RBM6: variants seen among roughly 807,000 people sequenced by gnomAD.
RBM6 encodes RNA binding motif protein 6.
In RBM6, 23 loss-of-function variants were observed where a neutral mutation model predicts 140.4. That is an observed-to-expected ratio of 0.16 (90% CI 0.12 to 0.23). The LOEUF is 0.23. Among genes scored for constraint, RBM6 ranks in the 10% least tolerant of loss-of-function variants. RBM6 has a pLI of 1.00. For missense variants in RBM6, 1,139 were observed against 1,386.7 expected (o/e 0.82, Z 2.84); for synonymous variants, 439 against 475.6 (o/e 0.92, Z 1.00).
intron 6 of RBM6, among the ~76,000 whole-genome samples, chr3:50,025,804 T>C (rs2087782191): frequency 6.6e-6 from 1 of 151,860 alleles, no homozygotes; most frequent in South Asian, 2.1e-4. Flanking sequence ...ATATGTCTCC[T>C]AGTGTAGGTA....
intron 5 of RBM6, among the ~76,000 whole-genome samples, chr3:49,980,563 C>T (rs1385169142): frequency 1.3e-5 from 2 of 151,360 alleles, no homozygotes; most frequent in African/African-American, 4.8e-5. Flanking sequence ...AGTTTGAGAC[C>T]AGCCTGGCCA....
At chr3:49,975,510 C>T (rs1366444417) in intron 5 of RBM6, 118 bp downstream of exon 5, 1 of 813,356 alleles carries the variant, frequency 1.2e-6, no homozygotes, top group Non-Finnish European at 2.1e-6. Context: ...CAGAAGCCTC[C>T]CGTTGGTGCC....
chr3:49,987,213 G>A (rs534253189), intron 5 of RBM6, among the ~76,000 whole-genome samples: 1 of 151,798 alleles, frequency 6.6e-6, no homozygotes, highest in Admixed American at 6.6e-5. Flanking sequence ...GCCTCCCAAA[G>A]TGCTGGGATT....
chr3:50,037,881 G>C (rs1203715893), intron 6 of RBM6, among the ~76,000 whole-genome samples: 3 of 150,630 alleles, frequency 2.0e-5, no homozygotes, highest in Non-Finnish European at 4.4e-5. Flanking sequence ...GAGTGTGGTG[G>C]CACGATCTTG....
chr3:50,039,284 G>C (rs2088727394), intron 6 of RBM6, among the ~76,000 whole-genome samples: 1 of 151,882 alleles, frequency 6.6e-6, no homozygotes, highest in Non-Finnish European at 1.5e-5. Flanking sequence ...TTTTCACCCA[G>C]GCTGGAGTGC....
intron 1 of RBM6, 91 bp from the exon 2 acceptor site, chr3:49,962,485 A>G (rs1197253987): frequency 7.8e-6 from 5 of 643,470 alleles, no homozygotes; most frequent in Non-Finnish European, 1.4e-5. Flanking sequence ...ATTGCTGCTG[A>G]TGTGGTCCCT....
chr3:50,047,085 C>A, intron 6 of RBM6: 1 of 844,446 alleles, frequency 1.2e-6, no homozygotes, highest in Non-Finnish European at 1.4e-6. Flanking sequence ...GGTAGATGGG[C>A]AATTTTCCTT....
intron 2 of RBM6, among the ~76,000 whole-genome samples, chr3:49,964,725 A>T (rs1040226638): frequency 5.9e-5 from 9 of 152,214 alleles, no homozygotes; most frequent in Non-Finnish European, 1.0e-4. Context: ...ACTTGTATTT[A>T]TGGGTAACTA....
At chr3:50,004,474 A>ATTTT (rs1182296633) in intron 6 of RBM6, among the ~76,000 whole-genome samples, 3 of 103,336 alleles carry the variant, frequency 2.9e-5, no homozygotes, top group Admixed American at 1.0e-4. Flanking sequence ...ACAGCTGGCT[A>ATTTT]TTTTTTTTTT....
chr3:50,037,396 A>T (rs2088608478), intron 6 of RBM6, among the ~76,000 whole-genome samples: 1 of 152,046 alleles, frequency 6.6e-6, no homozygotes, highest in African/African-American at 2.4e-5. Flanking sequence ...ACAGAGCAAG[A>T]CCCTGTCTCA....
intron 6 of RBM6, among the ~76,000 whole-genome samples, chr3:50,040,483 TATATATATATAC>T (rs1190850073): frequency 2.6e-5 from 3 of 116,220 alleles, no homozygotes; most frequent in East Asian, 2.2e-4. Flanking sequence ...TATATATATA[TATATATATATAC>T]ACACACACAC....
chr3:49,987,268 T>A (rs2085606860), intron 5 of RBM6, among the ~76,000 whole-genome samples: 1 of 151,894 alleles, frequency 6.6e-6, no homozygotes, highest in Non-Finnish European at 1.5e-5. Flanking sequence ...ATATATTTTT[T>A]AAAAATAGTA....
chr3:50,039,426 A>G (rs1472614319), intron 6 of RBM6, among the ~76,000 whole-genome samples: 2 of 150,748 alleles, frequency 1.3e-5, no homozygotes, highest in Non-Finnish European at 3.0e-5. Context: ...TGTAGTAGAG[A>G]CAGGGTTTCA....
intron 17 of RBM6, among the ~76,000 whole-genome samples, chr3:50,067,373 G>A (rs1435206153): frequency 6.6e-6 from 1 of 152,084 alleles, no homozygotes; most frequent in Non-Finnish European, 1.5e-5. Flanking sequence ...CTGTGGCTAG[G>A]GTGCCAAATA....
chr3:49,962,464 C>T (rs2084328019), intron 1 of RBM6, 112 bp from the exon 2 acceptor site: 1 of 596,886 alleles, frequency 1.7e-6, no homozygotes, highest in Admixed American at 3.1e-5. Context: ...AAAAGAAAGA[C>T]CTTCAAAATT....
At chr3:49,942,484 G>A (rs1276831863) in intron 1 of RBM6, among the ~76,000 whole-genome samples, 2 of 139,448 alleles carry the variant, frequency 1.4e-5, no homozygotes, top group East Asian at 4.0e-4. Flanking sequence ...GCGAGACTCC[G>A]AGACTCCATC....
At chr3:49,949,956 C>G (rs1161550586) in intron 1 of RBM6, among the ~76,000 whole-genome samples, 4 of 152,120 alleles carry the variant, frequency 2.6e-5, no homozygotes, top group African/African-American at 9.7e-5. Flanking sequence ...TTCCTGGTCT[C>G]AAGTGATCTG....
intron 6 of RBM6, among the ~76,000 whole-genome samples, chr3:50,042,714 T>C (rs1024741917): frequency 6.6e-6 from 1 of 151,862 alleles, no homozygotes; most frequent in Non-Finnish European, 1.5e-5. Context: ...CTATCTAGCC[T>C]CCAACCTGGG....
intron 6 of RBM6, among the ~76,000 whole-genome samples, chr3:50,031,108 A>G (rs1262547454): frequency 1.3e-5 from 2 of 152,240 alleles, no homozygotes; most frequent in Non-Finnish European, 2.9e-5. Flanking sequence ...ATGTGGAGAA[A>G]CAGGAACACT....
Sources: gnomAD v4.1 joint callset for allele counts (sites outside exome capture counted in the v4.1 genomes callset) on GRCh38, gnomAD v4.1.1 for gene constraint, MANE v1.5 for transcripts, NCBI Gene and HGNC (gene_info 2026-07-23, HGNC 2026-07-21) for gene names.